XKR9: variants seen among roughly 807,000 people sequenced by gnomAD.
The protein encoded by XKR9 is XK-related protein 9.
In XKR9, 32 loss-of-function variants were observed where a neutral mutation model predicts 32.0. The observed-to-expected ratio is 1.00, with a 90% CI of 0.76 to 1.34. XKR9 has a LOEUF of 1.34. XKR9 is among the 40% of genes most tolerant of loss of function. XKR9 has a pLI of 0.00. For synonymous variants in XKR9, 168 were observed against 143.4 expected (o/e 1.17, Z -1.22); for missense variants, 546 against 429.7 (o/e 1.27, Z -2.39).
At chr8:70,807,628 A>G in the XKR9 span, among the ~76,000 whole-genome samples, 1 of 152,148 alleles carries the variant, frequency 6.6e-6, no homozygotes, top group Non-Finnish European at 1.5e-5. Flanking sequence ...CTCTGACAAA[A>G]CAGACTTTCA....
chr8:70,761,113 T>C (rs1016613026), intron 2 of XKR9, among the ~76,000 whole-genome samples: 6 of 152,252 alleles, frequency 3.9e-5, no homozygotes, highest in Non-Finnish European at 7.3e-5. Context: ...CAGTCGACCA[T>C]TGATGGGCAT....
At chr8:71,015,047 A>G in the XKR9 span, among the ~76,000 whole-genome samples, 1 of 152,188 alleles carries the variant, frequency 6.6e-6, no homozygotes, top group Admixed American at 6.5e-5. Flanking sequence ...CACAAGAATA[A>G]GGCAGAGGAG....
the XKR9 span, among the ~76,000 whole-genome samples, chr8:70,881,181 G>A: frequency 1.3e-5 from 2 of 152,114 alleles, no homozygotes; most frequent in Non-Finnish European, 2.9e-5. Context: ...AGAGAACCTA[G>A]GCAATACCAT....
At chr8:70,843,871 G>A in the XKR9 span, among the ~76,000 whole-genome samples, 11 of 152,114 alleles carry the variant, frequency 7.2e-5, no homozygotes, top group Non-Finnish European at 1.5e-4. Context: ...TGAGAGCTCA[G>A]CCCCCACCAG....
Position 70,735,202 on chromosome 8 carries a change from G to C in XKR9, c.*778G>C, listed in dbSNP as rs62530845. ...TTCACCTTGTGCAACAGATCTCAAGGACTTTTTCACCTTGTAAAACTAAGA... is the reference window on the plus strand; with the variant it reads ...TTCACCTTGTGCAACAGATCTCAAGCACTTTTTCACCTTGTAAAACTAAGA... On this transcript the variant is annotated 3_prime_UTR_variant, in exon 5 of 5. Coordinates refer to ENST00000408926, the MANE Select transcript of XKR9 (RefSeq NM_001011720.2). The C allele has an allele frequency of 6.6e-6, 1 of 151,748 alleles. No homozygotes were observed. The highest frequency in any genetic ancestry group is 1.5e-5 in the Non-Finnish European group (1 of 67,936). The allele number at this position is 151,748 out of a possible 1,614,324, so 9.4% of individuals were successfully genotyped here.
intron 2 of XKR9, among the ~76,000 whole-genome samples, chr8:70,746,311 C>T (rs1807058305): frequency 6.7e-6 from 1 of 148,182 alleles, no homozygotes; most frequent in South Asian, 2.1e-4. Flanking sequence ...GCATCAGAAT[C>T]ACCTGAAGTG....
the XKR9 span, among the ~76,000 whole-genome samples, chr8:70,820,044 A>G: frequency 3.7e-4 from 57 of 152,338 alleles, no homozygotes; most frequent in Admixed American, 7.8e-4. Flanking sequence ...CCAAAATGCC[A>G]TATTGGCATT....
chr8:70,716,359 A>G (rs1056842294), intron 4 of XKR9, among the ~76,000 whole-genome samples: 2 of 152,186 alleles, frequency 1.3e-5, no homozygotes, highest in Admixed American at 6.5e-5. Context: ...TCATGCTGCT[A>G]TGAAGAACTG....
chr8:70,900,967 G>A, the XKR9 span, among the ~76,000 whole-genome samples: 1 of 152,142 alleles, frequency 6.6e-6, no homozygotes, highest in African/African-American at 2.4e-5. Context: ...CTTCATCCAT[G>A]TCCCTACGAA....
chr8:70,914,468 A>T, the XKR9 span, among the ~76,000 whole-genome samples: 5 of 151,968 alleles, frequency 3.3e-5, no homozygotes, highest in African/African-American at 1.2e-4. Flanking sequence ...TGTGGCTTTC[A>T]TTTTTATTTA....
At chr8:70,779,264 T>C (rs188186865) in intron 2 of XKR9, among the ~76,000 whole-genome samples, 1 of 152,320 alleles carries the variant, frequency 6.6e-6, no homozygotes, top group African/African-American at 2.4e-5. Flanking sequence ...TATTGCTTTG[T>C]GTATGTTGAA....
At chr8:70,798,307 G>T in the XKR9 span, among the ~76,000 whole-genome samples, 1 of 152,100 alleles carries the variant, frequency 6.6e-6, no homozygotes, top group Non-Finnish European at 1.5e-5. Flanking sequence ...CTGATGATTA[G>T]TGATGTTGAG....
chr8:70,783,623 T>C (rs186031817), intron 2 of XKR9, among the ~76,000 whole-genome samples: 1 of 152,280 alleles, frequency 6.6e-6, no homozygotes, highest in African/African-American at 2.4e-5. Context: ...TTATTGGATA[T>C]ATGGATTGCA....
chr8:70,773,776 G>T (rs1183919017), intron 2 of XKR9, among the ~76,000 whole-genome samples: 2 of 152,284 alleles, frequency 1.3e-5, no homozygotes, highest in Admixed American at 1.3e-4. Context: ...AAAGTCCAGG[G>T]TGAATTAGGG....
chr8:70,720,238 C>G (rs1195776058), intron 4 of XKR9, among the ~76,000 whole-genome samples: 1 of 152,146 alleles, frequency 6.6e-6, no homozygotes, highest in African/African-American at 2.4e-5. Flanking sequence ...ATCATGTCAC[C>G]TGCAAACAGA....
chr8:70,731,573 A>G (rs962341250), intron 4 of XKR9, among the ~76,000 whole-genome samples: 23 of 151,392 alleles, frequency 1.5e-4, no homozygotes, highest in East Asian at 3.9e-4. Context: ...GTAACAAAAC[A>G]AGACACCAGT....
the XKR9 span, among the ~76,000 whole-genome samples, chr8:70,930,590 T>C: frequency 1.3e-5 from 2 of 152,208 alleles, no homozygotes; most frequent in Non-Finnish European, 2.9e-5. Context: ...AAAAAATTAT[T>C]TCAAGCCACT....
the XKR9 span, among the ~76,000 whole-genome samples, chr8:70,846,375 G>A: frequency 2.9e-4 from 44 of 151,940 alleles, no homozygotes; most frequent in African/African-American, 1.0e-3. Context: ...AAAACACAAG[G>A]CTAGAGAAAA....
the XKR9 span, among the ~76,000 whole-genome samples, chr8:70,933,119 G>A: frequency 2.6e-5 from 4 of 152,060 alleles, no homozygotes; most frequent in Admixed American, 1.3e-4. Context: ...CTTTGAGTGA[G>A]GATACTGTAA....
Sources: allele counts gnomAD v4.1 joint callset (sites outside exome capture counted in the v4.1 genomes callset), GRCh38; gene constraint gnomAD v4.1.1; transcripts MANE v1.5; gene names NCBI Gene and HGNC (gene_info 2026-07-23, HGNC 2026-07-21).